GPHN: variants seen among roughly 807,000 people sequenced by gnomAD.
GPHN encodes the protein gephyrin.
GPHN carries 17 observed loss-of-function variants against 95.5 expected under a neutral mutation model. The observed-to-expected ratio is 0.18, with a 90% CI of 0.12 to 0.27. The LOEUF (loss-of-function observed/expected upper bound fraction) is 0.27. Among genes scored for constraint, GPHN ranks in the 10% least tolerant of loss-of-function variants. The pLI is 1.00. For synonymous variants in GPHN, 320 were observed against 322.5 expected, an observed-to-expected ratio of 0.99 and a Z score of 0.08; for missense variants, 660 against 978.1, an observed-to-expected ratio of 0.67 and a Z score of 4.34.
the GPHN span, among the ~76,000 whole-genome samples, chr14:67,593,081 C>G: frequency 6.6e-6 from 1 of 152,258 alleles, no homozygotes; most frequent in African/African-American, 2.4e-5. Context: ...GCCACCACAC[C>G]TGGCCACATT....
chr14:67,445,583 T>TTC, the GPHN span, among the ~76,000 whole-genome samples: 1 of 119,420 alleles, frequency 8.4e-6, no homozygotes, highest in Admixed American at 8.6e-5. Context: ...AATTCTTTTT[T>TTC]TTTTTTTTTT....
At chr14:66,834,219 C>T (rs1392460190) in intron 4 of GPHN, among the ~76,000 whole-genome samples, 1 of 152,150 alleles carries the variant, frequency 6.6e-6, no homozygotes, top group Non-Finnish European at 1.5e-5. Context: ...AGTCCACTTA[C>T]TTATGGATTA....
chr14:66,815,927 A>G (rs996130839), intron 3 of GPHN, among the ~76,000 whole-genome samples: 16 of 152,288 alleles, frequency 1.1e-4, no homozygotes, highest in African/African-American at 2.4e-4. Flanking sequence ...CACATATACA[A>G]TGGCATACAC....
Position 66,508,598 on chromosome 14 carries a change from G to C in GPHN, c.64+7G>C, listed in dbSNP as rs758501355. ...CGTGTCGGAGTCCTTACAGGTAACCGGGGGAGGAGGTCTGGGACCTATGAG... is the reference window on the plus strand; with the variant it reads ...CGTGTCGGAGTCCTTACAGGTAACCCGGGGAGGAGGTCTGGGACCTATGAG... On this transcript the variant is annotated splice_region_variant and intron_variant, in intron 1 of 22. Transcript: ENST00000478722. 6.2e-7 allele frequency: 1 copy of C among 1,610,324 alleles called. No homozygotes were observed. Among genetic ancestry groups the C allele is most frequent in the South Asian group, 1.1e-5 (1 of 91,012 alleles).
intron 2 of GPHN, among the ~76,000 whole-genome samples, chr14:66,695,121 A>G (rs1170551377): frequency 2.0e-5 from 3 of 152,158 alleles, no homozygotes; most frequent in Admixed American, 6.5e-5. Flanking sequence ...AACATGCCAC[A>G]CTGCACTGCA....
At chr14:66,954,291 G>A (rs1212397465) in intron 8 of GPHN, among the ~76,000 whole-genome samples, 2 of 152,014 alleles carry the variant, frequency 1.3e-5, no homozygotes, top group Non-Finnish European at 2.9e-5. Flanking sequence ...CTATTTATTT[G>A]CCTTTAATTT....
At chr14:67,430,821 C>T in the GPHN span, among the ~76,000 whole-genome samples, 1 of 152,188 alleles carries the variant, frequency 6.6e-6, no homozygotes, top group Non-Finnish European at 1.5e-5. Context: ...ACGTCCCATT[C>T]TGATCCCCTG....
intron 5 of GPHN, among the ~76,000 whole-genome samples, chr14:66,914,208 A>G (rs2065803990): frequency 6.6e-6 from 1 of 152,158 alleles, no homozygotes; most frequent in Non-Finnish European, 1.5e-5. Flanking sequence ...GTGTCAACCT[A>G]GAGCAAGTGA....
intron 10 of GPHN, among the ~76,000 whole-genome samples, chr14:67,031,962 C>A (rs1180508601): frequency 2.6e-5 from 4 of 152,184 alleles, no homozygotes; most frequent in African/African-American, 4.8e-5. Flanking sequence ...CCCTCATATC[C>A]TCATAGAGAC....
intron 9 of GPHN, among the ~76,000 whole-genome samples, chr14:66,983,747 A>G (rs1165244423): frequency 6.6e-6 from 1 of 152,136 alleles, no homozygotes; most frequent in African/African-American, 2.4e-5. Flanking sequence ...TCATTGTTTA[A>G]GTTTCTATAC....
intron 2 of GPHN, 72 bp downstream of exon 2, chr14:66,681,257 T>G: frequency 4.1e-6 from 4 of 976,132 alleles, no homozygotes; most frequent in Non-Finnish European, 6.4e-6. Flanking sequence ...TCAAAAGAGT[T>G]TTATGTGAAA....
At chr14:67,710,674 T>C in the GPHN span, among the ~76,000 whole-genome samples, 3 of 152,028 alleles carry the variant, frequency 2.0e-5, no homozygotes, top group Non-Finnish European at 4.4e-5. Context: ...ACATGATCTT[T>C]AAATAAGCTT....
chr14:66,653,014 G>T (rs2065120356), intron 1 of GPHN, among the ~76,000 whole-genome samples: 1 of 152,128 alleles, frequency 6.6e-6, no homozygotes, highest in Non-Finnish European at 1.5e-5. Context: ...GGGGGTCATG[G>T]GATCCCAGAG....
chr14:66,749,803 G>A (rs975024476), intron 2 of GPHN, among the ~76,000 whole-genome samples: 3 of 149,596 alleles, frequency 2.0e-5, no homozygotes, highest in South Asian at 2.1e-4. Flanking sequence ...TTGTCTTTTC[G>A]TTCCCTTCAC....
chr14:67,169,164 TCCCC>T, intron 21 of GPHN, 128 bp downstream of exon 21: 1 of 707,390 alleles, frequency 1.4e-6, no homozygotes, highest in Non-Finnish European at 2.6e-6. Flanking sequence ...GATTATATTC[TCCCC>T]CTGTGTACTA....
intron 1 of GPHN, among the ~76,000 whole-genome samples, chr14:66,651,211 A>C (rs2065025759): frequency 6.6e-6 from 1 of 152,208 alleles, no homozygotes. Context: ...TCAGTGACAC[A>C]GAAAGGGTCC....
At chr14:67,153,765 T>C (rs961508533) in intron 18 of GPHN, among the ~76,000 whole-genome samples, 7 of 152,222 alleles carry the variant, frequency 4.6e-5, no homozygotes, top group Admixed American at 2.0e-4. Flanking sequence ...CTTACCTGAG[T>C]TGAAGAAGAG....
intron 18 of GPHN, among the ~76,000 whole-genome samples, chr14:67,159,164 T>C (rs1462335142): frequency 1.3e-5 from 2 of 152,174 alleles, no homozygotes; most frequent in Non-Finnish European, 2.9e-5. Flanking sequence ...GTTGTCTCTT[T>C]TGTTCAAGGC....
intron 1 of GPHN, among the ~76,000 whole-genome samples, chr14:66,655,913 T>C (rs1360766246): frequency 6.6e-6 from 1 of 152,134 alleles, no homozygotes; most frequent in Non-Finnish European, 1.5e-5. Flanking sequence ...GATTTTTGAA[T>C]ATTGAACCAG....
Sources: allele counts gnomAD v4.1 joint callset (sites outside exome capture counted in the v4.1 genomes callset), GRCh38; gene constraint gnomAD v4.1.1; transcripts MANE v1.5; gene names NCBI Gene and HGNC (gene_info 2026-07-23, HGNC 2026-07-21).